Variants in CDK19 observed in about 807,000 individuals in gnomAD.
CDK19 encodes cyclin dependent kinase 19.
A neutral mutation model predicts 68.3 loss-of-function variants in CDK19; 20 were observed. The ratio of observed to expected loss-of-function variants is 0.29; its 90% confidence interval spans 0.21 to 0.43. The LOEUF (loss-of-function observed/expected upper bound fraction) is 0.43, where lower values mean the gene tolerates loss of function less well. Ranked by LOEUF, CDK19 falls within the 20% of genes least tolerant of loss-of-function variation. CDK19 has a pLI of 1.00. For missense variants in CDK19, 339 were observed against 623.5 expected, an observed-to-expected ratio of 0.54 and a Z score of 4.86; for synonymous variants, 221 against 222.8, an observed-to-expected ratio of 0.99 and a Z score of 0.07.
chr6:110,669,489 A>C (rs1483515006), intron 3 of CDK19, among the ~76,000 whole-genome samples: 3 of 152,046 alleles, frequency 2.0e-5, no homozygotes, highest in Non-Finnish European at 4.4e-5. Flanking sequence ...ACAAACAAAC[A>C]AACAAAAAAG....
At chr6:110,670,727 T>G (rs1268420522) in intron 2 of CDK19, 186 bp from the exon 3 acceptor site, 1 of 653,858 alleles carries the variant, frequency 1.5e-6, no homozygotes, top group Non-Finnish European at 2.8e-6. Flanking sequence ...TTGGTGCATA[T>G]CTTTCCAATC....
intron 1 of CDK19, among the ~76,000 whole-genome samples, chr6:110,812,764 G>A (rs1022450333): frequency 4.7e-5 from 7 of 149,496 alleles, no homozygotes; most frequent in Admixed American, 1.3e-4. Context: ...TACCATGATC[G>A]GAGTGTAAAA....
In CDK19 at chr6:110,708,238, C is replaced by T. The variant is rs146968440; in HGVS notation, c.205-37697G>A. On this transcript the variant is annotated intron_variant, in intron 2 of 12. Coordinates refer to ENST00000368911, the MANE Select transcript of CDK19 (RefSeq NM_015076.5). ...CCTCATTGCCAAGGGTTCTATTCAA[C>T]GGTGCTGGTCCACACTGTTCCAGAC... Among the ~76,000 whole-genome samples the T allele has an allele frequency of 2.4e-3, 370 of 152,236 alleles. 7 individuals carry two copies. The highest frequency in any genetic ancestry group is 8.3e-4 in the South Asian group (4 of 4,816).
intron 2 of CDK19, among the ~76,000 whole-genome samples, chr6:110,735,423 C>T (rs893336775): frequency 6.6e-6 from 1 of 151,858 alleles, no homozygotes. Flanking sequence ...TATTAACAGC[C>T]CACTTTGTTC....
intron 1 of CDK19, among the ~76,000 whole-genome samples, chr6:110,747,731 T>G (rs1032106856): frequency 6.6e-6 from 1 of 152,210 alleles, no homozygotes; most frequent in Non-Finnish European, 1.5e-5. Flanking sequence ...AGGCATGTTT[T>G]AAAAAGCAAA....
Position 110,762,220 on chromosome 6 carries a change from T to C in CDK19, c.129-16019A>G, listed in dbSNP as rs186949582. On this transcript the variant is annotated intron_variant, in intron 1 of 12. Coordinates refer to ENST00000368911, the MANE Select transcript of CDK19 (RefSeq NM_015076.5). ...TTTACTGCCACAGTAGAAATTTGTATACTGTCAATCACAAAATATTCACTG... is the reference window on the plus strand; with the variant it reads ...TTTACTGCCACAGTAGAAATTTGTACACTGTCAATCACAAAATATTCACTG... Among the ~76,000 whole-genome samples the C allele has an allele frequency of 3.6e-4, 55 of 152,352 alleles. 1 individual carries two copies. In the East Asian group the frequency reaches 9.8e-3, roughly 27 times the overall value.
chr6:110,814,796 C>A, intron 1 of CDK19: 1 of 690,732 alleles, frequency 1.4e-6, no homozygotes, highest in Non-Finnish European at 2.6e-6. Context: ...TCGGACCGGG[C>A]TGCGCCGCGG....
intron 4 of CDK19, chr6:110,646,655 C>T: frequency 1.9e-6 from 1 of 517,042 alleles, no homozygotes; most frequent in South Asian, 4.1e-5. Context: ...CTCCCTTTTC[C>T]CTTTGGCTTT....
intron 2 of CDK19, among the ~76,000 whole-genome samples, chr6:110,742,250 A>G (rs1777732941): frequency 6.6e-6 from 1 of 152,232 alleles, no homozygotes; most frequent in African/African-American, 2.4e-5. Context: ...ATCTCTGAAC[A>G]TAATTGTGAA....
At chr6:110,807,234 G>C (rs1782740832) in intron 1 of CDK19, among the ~76,000 whole-genome samples, 1 of 151,768 alleles carries the variant, frequency 6.6e-6, no homozygotes, top group Admixed American at 6.6e-5. Flanking sequence ...GAGCCCAAGA[G>C]ACAGACTTGC....
At chr6:110,755,397 T>C (rs1371981964) in intron 1 of CDK19, among the ~76,000 whole-genome samples, 1 of 152,178 alleles carries the variant, frequency 6.6e-6, no homozygotes, top group Non-Finnish European at 1.5e-5. Context: ...TAATAAATGC[T>C]ATAACAGAAA....
rs1780598756 is a variant in CDK19, at chr6:110,646,583, C to A, written c.457-7877G>T. ...AGTACGGCCACCTGCAGGGGGTCAA[C>A]CGGGCCAACGGCGGAGGGGGCGGGG... is the stretch of plus-strand genomic sequence containing the variant. On this transcript the variant is annotated intron_variant, in intron 4 of 12. Transcript: ENST00000368911. 6 of 806,624 alleles carry A rather than the reference C, an allele frequency of 7.4e-6. No individual in the cohort carries two copies. The South Asian group carries it at 9.2e-5, about 12-fold the overall frequency. The allele number at this position is 806,624 out of a possible 1,614,324, so 50.0% of individuals were successfully genotyped here.
chr6:110,685,038 T>C (rs1055154966), intron 2 of CDK19, among the ~76,000 whole-genome samples: 3 of 152,154 alleles, frequency 2.0e-5, no homozygotes, highest in Admixed American at 1.3e-4. Context: ...CCCAAGAGGC[T>C]GAGGCAGGAG....
At chr6:110,746,855 C>G (rs1368256449) in intron 1 of CDK19, among the ~76,000 whole-genome samples, 1 of 152,212 alleles carries the variant, frequency 6.6e-6, no homozygotes, top group Non-Finnish European at 1.5e-5. Flanking sequence ...CCAACAGTTA[C>G]TAAGTTGCTT....
intron 4 of CDK19, among the ~76,000 whole-genome samples, chr6:110,660,307 C>T (rs1394477268): frequency 6.6e-6 from 1 of 152,074 alleles, no homozygotes; most frequent in Non-Finnish European, 1.5e-5. Context: ...GGGGCGAGTA[C>T]TTTTGGGTGC....
At chr6:110,684,248 T>A (rs1376403949) in intron 2 of CDK19, among the ~76,000 whole-genome samples, 1 of 152,090 alleles carries the variant, frequency 6.6e-6, no homozygotes, top group Admixed American at 6.6e-5. Context: ...ACCTTGACAG[T>A]TAAACAAAAT....
At chr6:110,776,166 T>C (rs945953082) in intron 1 of CDK19, among the ~76,000 whole-genome samples, 2 of 152,166 alleles carry the variant, frequency 1.3e-5, no homozygotes, top group African/African-American at 4.8e-5. Context: ...CAGTGGCTCA[T>C]GCCTGTAATC....
intron 4 of CDK19, among the ~76,000 whole-genome samples, chr6:110,664,069 C>T (rs564641849): frequency 1.8e-4 from 28 of 152,200 alleles, no homozygotes; most frequent in African/African-American, 6.5e-4. Flanking sequence ...CAAAAAGACC[C>T]CAAAAACTCT....
At chr6:110,628,084 G>A (rs982397052) in intron 6 of CDK19, among the ~76,000 whole-genome samples, 2 of 152,032 alleles carry the variant, frequency 1.3e-5, no homozygotes, top group African/African-American at 4.8e-5. Context: ...GGTGGCACAC[G>A]CCTGTAGTCC....
Sources: allele counts gnomAD v4.1 joint callset (sites outside exome capture counted in the v4.1 genomes callset), GRCh38; gene constraint gnomAD v4.1.1; transcripts MANE v1.5; gene names NCBI Gene and HGNC (gene_info 2026-07-23, HGNC 2026-07-21).